RAB18: variants seen among roughly 807,000 people sequenced by gnomAD.
RAB18 encodes ras-related protein Rab-18.
A neutral mutation model predicts 28.5 loss-of-function variants in RAB18; 10 were observed. The ratio of observed to expected loss-of-function variants is 0.35; its 90% CI spans 0.22 to 0.60. The LOEUF (loss-of-function observed/expected upper bound fraction) is 0.60. RAB18 is among the 20% of genes least tolerant of loss of function. The pLI, the probability that RAB18 is intolerant of heterozygous loss-of-function variation, is 0.78. For missense variants in RAB18, 188 were observed against 244.2 expected (o/e 0.77, Z 1.53); for synonymous variants, 93 against 86.9 (o/e 1.07, Z -0.39).
chr10:27,534,077 G>A (rs1834844995), intron 6 of RAB18, 83 bp downstream of exon 6: 3 of 1,313,046 alleles, frequency 2.3e-6, no homozygotes, highest in Admixed American at 1.7e-5. Flanking sequence ...ATTTCTTTAT[G>A]AACCATAAAA....
chr10:27,540,696 G>A lies in RAB18; in HGVS notation c.*2645G>A. ...TACCTTCACTTTTTATGTGAGAATAGAAATTATGGAAACAGTAATTTGCTC... is the reference window on the plus strand; with the variant it reads ...TACCTTCACTTTTTATGTGAGAATAAAAATTATGGAAACAGTAATTTGCTC... On this transcript the variant is annotated 3_prime_UTR_variant, in exon 7 of 7. Coordinates refer to ENST00000356940, the MANE Select transcript of RAB18 (RefSeq NM_021252.5). 2.2e-6 allele frequency: 1 copy of A among 454,016 alleles called. No individual in the cohort carries two copies. Among genetic ancestry groups the A allele is most frequent in the Non-Finnish European group, 4.4e-6 (1 of 226,754 alleles). 28.1% of individuals were successfully genotyped at this position (454,016 alleles called of 1,614,324 possible).
rs759795469 is a variant in RAB18, at chr10:27,538,249, A to G, written c.*198A>G. The G allele has an allele frequency of 4.0e-4, 289 of 727,186 alleles. 3 individuals carry two copies. The Admixed American group carries it at 5.8e-3, about 14-fold the overall frequency. The allele number at this position is 727,186 out of a possible 1,614,324, so 45.0% of individuals were successfully genotyped here. A position where few individuals can be genotyped will look rare whatever the true frequency, so the allele number is the denominator to read the frequency against. Reference sequence around the variant, plus strand: ...TAAGCATGCACAGTTTGCAGTCTACAGTTTTTTTATGTAGCACAAAATAGG... The same window carrying G: ...TAAGCATGCACAGTTTGCAGTCTACGGTTTTTTTATGTAGCACAAAATAGG... On this transcript the variant is annotated 3_prime_UTR_variant, in exon 7 of 7. Transcript: ENST00000356940.
rs77076273 is a variant in RAB18 at position 27,529,408 on chromosome 10, A to G, written c.186+2519A>G. 3.8e-3 allele frequency among the ~76,000 whole-genome samples: 575 copies of G among 152,072 alleles called. 4 individuals are homozygous for G. Among genetic ancestry groups the G allele is most frequent in the African/African-American group, 0.013 (560 of 41,536 alleles). ...GCCTAATTCTTCTATAGTTTTATTT[A>G]TAAAATGAGTTTCTCTCCTACTTGG... On this transcript the variant is annotated intron_variant, in intron 3 of 6. Transcript: ENST00000356940.
At chr10:27,514,810 G>T (rs1354885031) in intron 2 of RAB18, among the ~76,000 whole-genome samples, 1 of 150,254 alleles carries the variant, frequency 6.7e-6, no homozygotes, top group Non-Finnish European at 1.5e-5. Flanking sequence ...TTGTTCTGTC[G>T]CCAGGTTGGA....
rs575599632 is a variant in RAB18, at chr10:27,513,216, G to T, written c.124+3286G>T. ...TGCCTTGCTAATTTTTATGTTTTTA[G>T]TAGAGATGGGGTTTTACTATATTGG... On this transcript the variant is annotated intron_variant, in intron 2 of 6. Transcript: ENST00000356940. Among the ~76,000 whole-genome samples the T allele has an allele frequency of 1.5e-4, 22 of 151,628 alleles. 1 individual carries two copies. The highest frequency in any genetic ancestry group is 1.9e-4 in the Non-Finnish European group (13 of 67,892).
rs75899834 is a variant in RAB18, at chr10:27,538,305, A to G, written c.*254A>G. On this transcript the variant is annotated 3_prime_UTR_variant, in exon 7 of 7. Coordinates refer to ENST00000356940, the MANE Select transcript of RAB18 (RefSeq NM_021252.5). ...CTTTATAAGTACATTCAATTTTATGATTTACATTTATCATGTAATTTTTAA... is the reference window on the plus strand; with the variant it reads ...CTTTATAAGTACATTCAATTTTATGGTTTACATTTATCATGTAATTTTTAA... 8.0e-4 allele frequency: 474 copies of G among 592,130 alleles called. 3 individuals are homozygous for G. The highest frequency in any genetic ancestry group is 4.7e-3 in the African/African-American group (256 of 54,708). The allele number at this position is 592,130 out of a possible 1,614,324, so 36.7% of individuals were successfully genotyped here.
At chr10:27,527,979 G>A (rs187990779) in intron 3 of RAB18, among the ~76,000 whole-genome samples, 1 of 152,190 alleles carries the variant, frequency 6.6e-6, no homozygotes, top group African/African-American at 2.4e-5. Flanking sequence ...AATCAGAACG[G>A]TAATGTCTAA....
intron 1 of RAB18, among the ~76,000 whole-genome samples, chr10:27,507,620 A>G (rs1271487134): frequency 2.8e-5 from 4 of 141,214 alleles, no homozygotes; most frequent in Non-Finnish European, 6.1e-5. Context: ...CACTCTGTTT[A>G]TTATAAATTT....
Position 27,541,684 on chromosome 10 carries a change from G to GT in RAB18, c.*3641dup, listed in dbSNP as rs771049979. On this transcript the variant is annotated 3_prime_UTR_variant, in exon 7 of 7. Coordinates refer to ENST00000356940, the MANE Select transcript of RAB18 (RefSeq NM_021252.5). ...AACCGGAGAAGCAACAAATTACGTA[G>GT]TTTTTTTTGTGTTTCTTTGATTACT... The GT allele has an allele frequency of 1.8e-3, 783 of 445,324 alleles. 8 individuals are homozygous for GT. Among genetic ancestry groups the GT allele is most frequent in the Non-Finnish European group, 1.1e-3 (254 of 224,658 alleles). The allele number at this position is 445,324 out of a possible 1,614,324, so 27.6% of individuals were successfully genotyped here.
rs550225756 is a variant in RAB18, at chr10:27,510,291, T to C, written c.124+361T>C. ...CTGCTACTAAGAGGAGGGGTTATAA[T>C]AGTGAATAACAAACTTGGTCTCTGT... On this transcript the variant is annotated intron_variant, in intron 2 of 6. Coordinates refer to ENST00000356940, the MANE Select transcript of RAB18 (RefSeq NM_021252.5). 2.0e-5 allele frequency: 6 copies of C among 297,032 alleles called. No homozygotes were observed. In the Admixed American group the frequency reaches 2.9e-4, roughly 14 times the overall value. The allele number at this position is 297,032 out of a possible 1,614,324, so 18.4% of individuals were successfully genotyped here. A position where few individuals can be genotyped will look rare whatever the true frequency, so the allele number is the denominator to read the frequency against.
At chr10:27,531,220 A>G (rs1352215719) in intron 3 of RAB18, among the ~76,000 whole-genome samples, 1 of 152,064 alleles carries the variant, frequency 6.6e-6, no homozygotes, top group African/African-American at 2.4e-5. Context: ...AAAGGCTTTC[A>G]AATTTATGTA....
At position 27,538,761 on chromosome 10, in the gene RAB18, G is replaced by A; in HGVS notation, c.*710G>A. ...TGTGCAGCATTTTTAGTTATGTGGT[G>A]TTTGGCAGAATGACAATAAGGTTTT... On this transcript the variant is annotated 3_prime_UTR_variant, in exon 7 of 7. Coordinates refer to ENST00000356940, the MANE Select transcript of RAB18 (RefSeq NM_021252.5). 1 of 454,092 alleles carries A rather than the reference G, an allele frequency of 2.2e-6. No homozygotes were observed. The highest frequency in any genetic ancestry group is 1.6e-5 in the South Asian group (1 of 64,476). 28.1% of individuals were successfully genotyped at this position (454,092 alleles called of 1,614,324 possible). A position where few individuals can be genotyped will look rare whatever the true frequency, so the allele number is the denominator to read the frequency against.
At chr10:27,504,958 A>C (rs762397625) in intron 1 of RAB18, 2 of 532,796 alleles carry the variant, frequency 3.8e-6, no homozygotes, top group South Asian at 1.4e-5. Context: ...CTTAATGTCG[A>C]TTCTTTTACT....
chr10:27,530,417 CTTCTTTTTTTTTT>C (rs1036679047), intron 3 of RAB18, among the ~76,000 whole-genome samples: 6 of 150,170 alleles, frequency 4.0e-5, no homozygotes, highest in Admixed American at 3.3e-4. Flanking sequence ...ATGGCTTTTC[CTTCTTTTTTTTTT>C]TTCTTTCTCT....
At position 27,509,911 on chromosome 10, in the gene RAB18, A is replaced by G. The variant is rs144242088; in HGVS notation, c.105A>G (p.Pro35=). The change falls in exon 2 of 7, where the codon CCA becomes CCG. Residue 35 remains proline, a synonymous_variant. Transcript: ENST00000356940. ...GGTTCACAGATGATACGTTTGATCC[A>G]GAACTTGCAGCAACAATAGGTAAGC... ...LLRFTDDTFD[P]ELAATIGVDF... 2.4e-5 allele frequency: 38 copies of G among 1,612,654 alleles called. No individual in the cohort carries two copies. The highest frequency in any genetic ancestry group is 5.5e-5 in the South Asian group (5 of 91,054).
At position 27,539,677 on chromosome 10, in the gene RAB18, A is replaced by G. The variant is rs1161266436; in HGVS notation, c.*1626A>G. 6.6e-6 allele frequency: 3 copies of G among 453,572 alleles called. No individual in the cohort carries two copies. The highest frequency in any genetic ancestry group is 1.3e-5 in the Non-Finnish European group (3 of 226,592). 28.1% of individuals were successfully genotyped at this position (453,572 alleles called of 1,614,324 possible). ...ACTGTTGTTTTTTGCTCCTTGAGCTATATAATAATCTGTGTATTGGATTGT... is the reference window on the plus strand; with the variant it reads ...ACTGTTGTTTTTTGCTCCTTGAGCTGTATAATAATCTGTGTATTGGATTGT... On this transcript the variant is annotated 3_prime_UTR_variant, in exon 7 of 7. Transcript: ENST00000356940.
intron 2 of RAB18, among the ~76,000 whole-genome samples, chr10:27,524,783 CAAAAG>C (rs1433876811): frequency 3.3e-5 from 5 of 152,158 alleles, no homozygotes; most frequent in Non-Finnish European, 4.4e-5. Context: ...AGCCACTTAA[CAAAAG>C]AGAAGCATGA....
Position 27,509,905 on chromosome 10 carries a change from T to C in RAB18, c.99T>C (p.Phe33=). The C allele has an allele frequency of 6.2e-7, 1 of 1,613,224 alleles. No homozygotes were observed. The highest frequency in any genetic ancestry group is 8.5e-7 in the Non-Finnish European group (1 of 1,179,372). ...SLLLRFTDDT[F]DPELAATIGV... is the part of the protein sequence containing the mutation. ...TCTTGAGGTTCACAGATGATACGTT[T>C]GATCCAGAACTTGCAGCAACAATAG... The change falls in exon 2 of 7, where the codon TTT becomes TTC. Residue 33 remains phenylalanine, a synonymous_variant. Transcript: ENST00000356940.
intron 2 of RAB18, among the ~76,000 whole-genome samples, chr10:27,524,187 C>T (rs1418808598): frequency 1.3e-5 from 2 of 152,230 alleles, no homozygotes; most frequent in Admixed American, 6.5e-5. Flanking sequence ...ACCTTAGCCT[C>T]TCAAAGTGTT....
Sources: gnomAD v4.1 joint callset for allele counts (sites outside exome capture counted in the v4.1 genomes callset) on GRCh38, gnomAD v4.1.1 for gene constraint, MANE v1.5 for transcripts, NCBI Gene and HGNC (gene_info 2026-07-23, HGNC 2026-07-21) for gene names.